Variants in NCOA4 observed in about 807,000 individuals in gnomAD.
NCOA4 encodes the protein nuclear receptor coactivator 4.
A neutral mutation model predicts 69.5 loss-of-function variants in NCOA4; 31 were observed. That is an observed-to-expected ratio of 0.45 (90% CI 0.34 to 0.60). The LOEUF (loss-of-function observed/expected upper bound fraction) is 0.60. Among genes scored for constraint, NCOA4 ranks in the 20% least tolerant of loss-of-function variants. NCOA4 has a pLI of 0.02. For missense variants in NCOA4, 600 were observed against 719.2 expected (o/e 0.83, Z 1.90); for synonymous variants, 228 against 252.4 (o/e 0.90, Z 0.92).
rs1839154413 is a variant in NCOA4, at chr10:46,010,698, T to C, written c.1223A>G (p.Glu408Gly). ...ACACTCTGCAAAGCTTGTGCAGGGC[T>C]CATTGGCTCTGCACACCTCCTCTAC... The part of the protein sequence containing the change: ...CKVEEVCRAN[E>G]PCTSFAECVC... The change falls in exon 8 of 10, where the codon GAG becomes GGG. Residue 408 changes from glutamate to glycine, a missense_variant. By Grantham distance (98) the Glu-to-Gly change is moderately conservative. Transcript: ENST00000581486. 1 of 1,614,098 alleles carries C rather than the reference T, an allele frequency of 6.2e-7. No homozygotes were observed. Among genetic ancestry groups the C allele is most frequent in the African/African-American group, 1.3e-5 (1 of 75,030 alleles).
At chr10:46,020,830 TC>T (rs1196863193) in intron 1 of NCOA4, among the ~76,000 whole-genome samples, 3 of 152,220 alleles carry the variant, frequency 2.0e-5, no homozygotes, top group African/African-American at 7.2e-5. Context: ...ACTAAAAATG[TC>T]TTTTTATCTT....
At position 46,006,024 on chromosome 10, in the gene NCOA4, T is replaced by C. The variant is rs1221104364; in HGVS notation, c.*568A>G. On this transcript the variant is annotated 3_prime_UTR_variant, in exon 10 of 10. Transcript: ENST00000581486. ...AACTAACGTGGGCTAAAATGTTTCA[T>C]AATTAATGTCAAAAATTGCCAAGAT... The C allele has an allele frequency of 4.9e-6, 1 of 205,556 alleles. No homozygotes were observed. The highest frequency in any genetic ancestry group is 9.9e-6 in the Non-Finnish European group (1 of 100,692). The allele number at this position is 205,556 out of a possible 1,614,324, so 12.7% of individuals were successfully genotyped here.
intron 1 of NCOA4, among the ~76,000 whole-genome samples, chr10:46,020,516 A>T (rs1395311530): frequency 6.6e-6 from 1 of 152,204 alleles, no homozygotes; most frequent in African/African-American, 2.4e-5. Flanking sequence ...TCCTTTAGCC[A>T]TTTATCAGGG....
chr10:46,023,494 A>C (rs1186638613), intron 1 of NCOA4: 12 of 985,538 alleles, frequency 1.2e-5, no homozygotes, highest in Non-Finnish European at 1.4e-5. Context: ...GCTCAAGCCA[A>C]GGGCGGGGAG....
At chr10:46,012,070 G>GGA (rs1839247374) in intron 7 of NCOA4, among the ~76,000 whole-genome samples, 3 of 44,532 alleles carry the variant, frequency 6.7e-5, no homozygotes, top group Admixed American at 9.3e-4. Context: ...CAAAAAGAAA[G>GGA]AAAAAAAAAA....
At chr10:46,014,398 G>A (rs1265482312) in intron 5 of NCOA4, 46 bp downstream of exon 5, 3 of 1,354,182 alleles carry the variant, frequency 2.2e-6, no homozygotes, top group Non-Finnish European at 2.1e-6. Flanking sequence ...CAGCTGTGAG[G>A]CCACAGATAT....
At chr10:46,023,385 C>G in intron 1 of NCOA4, 3 of 985,774 alleles carry the variant, frequency 3.0e-6, no homozygotes, top group Non-Finnish European at 3.6e-6. Context: ...GGCTGCTTTA[C>G]CCCTGACCCG....
At chr10:46,007,919 A>G (rs1410908362) in intron 9 of NCOA4, among the ~76,000 whole-genome samples, 7 of 152,104 alleles carry the variant, frequency 4.6e-5, no homozygotes, top group African/African-American at 1.4e-4. Flanking sequence ...CAGTGCTTCA[A>G]TCCTAGAGCC....
intron 9 of NCOA4, among the ~76,000 whole-genome samples, chr10:46,007,393 C>T (rs1296128958): frequency 6.6e-6 from 1 of 152,112 alleles, no homozygotes; most frequent in East Asian, 1.9e-4. Flanking sequence ...GGTGAAGTAG[C>T]AAGTTATCCA....
At chr10:46,021,859 T>C (rs915773260) in intron 1 of NCOA4, among the ~76,000 whole-genome samples, 8 of 152,132 alleles carry the variant, frequency 5.3e-5, no homozygotes, top group Non-Finnish European at 1.0e-4. Flanking sequence ...ATCGGGAGGC[T>C]GAGGCAGGAG....
At chr10:46,027,423 A>T (rs1554925720) in intron 1 of NCOA4, 2 of 1,551,364 alleles carry the variant, frequency 1.3e-6, no homozygotes, top group Non-Finnish European at 1.7e-6. Context: ...AGATAGTATT[A>T]ATGCCTACCA....
intron 1 of NCOA4, among the ~76,000 whole-genome samples, chr10:46,020,750 C>T (rs1307041406): frequency 6.6e-6 from 1 of 152,208 alleles, no homozygotes; most frequent in East Asian, 1.9e-4. Context: ...ATATTTTTGA[C>T]TGTTTTCTTA....
chr10:46,007,196 T>C (rs1838880838), intron 9 of NCOA4, among the ~76,000 whole-genome samples: 1 of 152,132 alleles, frequency 6.6e-6, no homozygotes, highest in Admixed American at 6.6e-5. Flanking sequence ...GTTTTAGTGG[T>C]CTCTATAGGA....
intron 1 of NCOA4, among the ~76,000 whole-genome samples, chr10:46,019,141 T>A (rs1554923856): frequency 6.6e-6 from 1 of 152,198 alleles, no homozygotes; most frequent in Non-Finnish European, 1.5e-5. Context: ...TCCATAATCA[T>A]CTATTAAAAA....
chr10:46,016,175 T>C (rs1839527421), intron 2 of NCOA4, among the ~76,000 whole-genome samples: 1 of 152,184 alleles, frequency 6.6e-6, no homozygotes, highest in Admixed American at 6.5e-5. Context: ...CTCAAGTGCA[T>C]CCTTCATGCA....
rs1357778795 is a variant in NCOA4 at position 46,011,212 on chromosome 10, C to A, written c.715-6G>T. The A allele has an allele frequency of 4.4e-6, 7 of 1,573,458 alleles. No individual in the cohort carries two copies. Among genetic ancestry groups the A allele is most frequent in the Admixed American group, 2.0e-5 (1 of 51,006 alleles). On this transcript the variant is annotated splice_polypyrimidine_tract_variant and splice_region_variant and intron_variant, in intron 7 of 9. Coordinates refer to ENST00000581486, the MANE Select transcript of NCOA4 (RefSeq NM_001145263.2). ...TTGCAGGCTCTGGAAGAAGTCTACA[C>A]AAAAAGTACACAGTATTAGTTTGCC...
intron 1 of NCOA4, among the ~76,000 whole-genome samples, chr10:46,027,865 C>T (rs191797111): frequency 1.3e-5 from 2 of 152,310 alleles, no homozygotes; most frequent in African/African-American, 4.8e-5. Context: ...TTGGAAAGAT[C>T]TGATGACTAA....
rs782508545 is a variant in NCOA4 at position 46,011,038 on chromosome 10, C to G, written c.883G>C (p.Asp295His). The change falls in exon 8 of 10, where the codon GAT (aspartate) becomes CAT (histidine). Residue 295 changes from aspartate (D) to histidine (H), a missense_variant. Asp to His is a moderately conservative substitution (Grantham distance 81, BLOSUM62 -1). Coordinates refer to ENST00000581486, the MANE Select transcript of NCOA4 (RefSeq NM_001145263.2). ...TCTGATAGGTCCATCTCATCTTGAT[C>G]AGGAAGCTCTTGATCTCCAACCTTT... ...MEKVGDQELP[D>H]QDEMDLSDWL... 19 of 1,613,808 alleles carry G rather than the reference C, an allele frequency of 1.2e-5. No homozygotes were observed. Among genetic ancestry groups the G allele is most frequent in the Admixed American group, 1.7e-5 (1 of 59,990 alleles).
chr10:46,029,034 T>TAA (rs1241509592), intron 1 of NCOA4, among the ~76,000 whole-genome samples: 2,771 of 90,688 alleles, frequency 0.031, 82 homozygotes, highest in African/African-American at 0.089. Context: ...ACTGATTTAA[T>TAA]AAAAAAAAAA....
Sources: allele counts gnomAD v4.1 joint callset (sites outside exome capture counted in the v4.1 genomes callset), GRCh38; gene constraint gnomAD v4.1.1; transcripts MANE v1.5; gene names NCBI Gene and HGNC (gene_info 2026-07-23, HGNC 2026-07-21).